Variants in WWOX observed in about 807,000 individuals in gnomAD.
WWOX encodes the protein WW domain containing oxidoreductase.
In WWOX, 69 loss-of-function variants were observed where a neutral mutation model predicts 46.2. The ratio of observed to expected loss-of-function variants is 1.49; its 90% CI spans 1.23 to 1.82. The LOEUF is 1.82. WWOX is among the 40% of genes most tolerant of loss of function. The probability of loss-of-function intolerance (pLI) is 0.00; values close to 1 mark genes in which losing one functional copy is unlikely to be tolerated. For missense variants in WWOX, 919 were observed against 542.6 expected, an observed-to-expected ratio of 1.69 and a Z score of -6.89; for synonymous variants, 359 against 202.6, an observed-to-expected ratio of 1.77 and a Z score of -6.56.
chr16:79,095,772 C>G (rs187164177), intron 8 of WWOX, among the ~76,000 whole-genome samples: 15 of 151,750 alleles, frequency 9.9e-5, no homozygotes, highest in Admixed American at 3.9e-4. Context: ...AATAGGAATA[C>G]AGACCTCAGA....
intron 8 of WWOX, among the ~76,000 whole-genome samples, chr16:78,776,027 C>G (rs1234886896): frequency 6.6e-6 from 1 of 152,124 alleles, no homozygotes; most frequent in Non-Finnish European, 1.5e-5. Context: ...GCTATGTGTT[C>G]CAAAGATGGT....
At chr16:78,405,844 T>C (rs1479948867) in intron 6 of WWOX, among the ~76,000 whole-genome samples, 1 of 152,190 alleles carries the variant, frequency 6.6e-6, no homozygotes, top group Non-Finnish European at 1.5e-5. Context: ...TTCACTTTCC[T>C]GAGGGCCACA....
At chr16:78,968,267 C>G (rs887731219) in intron 8 of WWOX, among the ~76,000 whole-genome samples, 1 of 152,234 alleles carries the variant, frequency 6.6e-6, no homozygotes, top group Non-Finnish European at 1.5e-5. Context: ...TCCAGACTAT[C>G]CAGAAACTGT....
intron 8 of WWOX, among the ~76,000 whole-genome samples, chr16:78,974,999 C>T (rs572236741): frequency 3.9e-5 from 6 of 152,184 alleles, no homozygotes; most frequent in Non-Finnish European, 8.8e-5. Flanking sequence ...ACTCCCCAGC[C>T]CCTCTTCTCT....
intron 8 of WWOX, among the ~76,000 whole-genome samples, chr16:78,847,741 G>C (rs780641057): frequency 2.6e-5 from 4 of 151,664 alleles, no homozygotes; most frequent in Non-Finnish European, 5.9e-5. Flanking sequence ...TTTGGGGAAG[G>C]TATGGTAAAT....
At chr16:78,232,603 A>C (rs925320866) in intron 5 of WWOX, among the ~76,000 whole-genome samples, 2 of 152,192 alleles carry the variant, frequency 1.3e-5, no homozygotes, top group Admixed American at 6.5e-5. Context: ...TAACTTTTAA[A>C]ATCTGAGGAA....
intron 8 of WWOX, among the ~76,000 whole-genome samples, chr16:78,779,662 C>T (rs1164208699): frequency 6.6e-6 from 1 of 152,170 alleles, no homozygotes; most frequent in Non-Finnish European, 1.5e-5. Context: ...CCCCAGTTCA[C>T]ACTGCTGATC....
chr16:78,987,873 C>T (rs572919759), intron 8 of WWOX, among the ~76,000 whole-genome samples: 2 of 152,298 alleles, frequency 1.3e-5, no homozygotes, highest in African/African-American at 2.4e-5. Flanking sequence ...GTGGGCTTTG[C>T]TGCTTACAAC....
intron 5 of WWOX, among the ~76,000 whole-genome samples, chr16:78,185,991 A>G (rs754799905): frequency 1.3e-5 from 2 of 152,186 alleles, no homozygotes; most frequent in Non-Finnish European, 2.9e-5. Flanking sequence ...CAGCAACTTA[A>G]AGGCGGTGGC....
intron 5 of WWOX, among the ~76,000 whole-genome samples, chr16:78,304,217 C>G (rs1274162614): frequency 6.6e-6 from 1 of 152,222 alleles, no homozygotes; most frequent in African/African-American, 2.4e-5. Context: ...TGATTCTCAT[C>G]ATTACTCATC....
intron 8 of WWOX, among the ~76,000 whole-genome samples, chr16:78,833,293 C>T (rs560212965): frequency 6.6e-6 from 1 of 152,068 alleles, no homozygotes; most frequent in African/African-American, 2.4e-5. Context: ...GCAGTCCTCT[C>T]ACCTCATTCT....
chr16:78,686,102 A>T (rs573555774), intron 8 of WWOX, among the ~76,000 whole-genome samples: 41 of 152,326 alleles, frequency 2.7e-4, no homozygotes, highest in Non-Finnish European at 4.7e-4. Context: ...AAAGACATTC[A>T]TACAGTCAGG....
intron 8 of WWOX, among the ~76,000 whole-genome samples, chr16:78,727,731 G>T (rs1287621139): frequency 6.6e-6 from 1 of 152,056 alleles, no homozygotes; most frequent in Non-Finnish European, 1.5e-5. Flanking sequence ...GAGGACTTTG[G>T]ACTTGGGGAT....
chr16:78,492,012 A>T (rs7192666), intron 8 of WWOX, among the ~76,000 whole-genome samples: 3 of 139,322 alleles, frequency 2.2e-5, no homozygotes, highest in Non-Finnish European at 3.1e-5. Flanking sequence ...GACACTTGCC[A>T]TTCTCAATGG....
chr16:78,619,697 C>G (rs34803204), intron 8 of WWOX, among the ~76,000 whole-genome samples: 27,170 of 151,744 alleles, frequency 0.18, 3,172 homozygotes, highest in African/African-American at 0.33. Context: ...TTGAGCCCAG[C>G]AATTGGAGAC....
intron 8 of WWOX, among the ~76,000 whole-genome samples, chr16:78,766,298 T>C (rs543039518): frequency 6.6e-6 from 1 of 152,324 alleles, no homozygotes; most frequent in East Asian, 1.9e-4. Context: ...GCTAGCCTTA[T>C]TAAAATGTGC....
intron 5 of WWOX, among the ~76,000 whole-genome samples, chr16:78,202,784 AT>A (rs528075133): frequency 0.026 from 3,338 of 129,436 alleles, 140 homozygotes; most frequent in African/African-American, 0.095. Flanking sequence ...TATATTTGCA[AT>A]TTTTTGTTTT....
intron 8 of WWOX, among the ~76,000 whole-genome samples, chr16:78,717,498 A>C (rs1239610559): frequency 1.3e-5 from 2 of 152,184 alleles, no homozygotes; most frequent in Non-Finnish European, 2.9e-5. Flanking sequence ...AATGTGTATT[A>C]AGTATATGAA....
chr16:78,742,725 C>CA (rs1207701430), intron 8 of WWOX, among the ~76,000 whole-genome samples: 2 of 152,176 alleles, frequency 1.3e-5, no homozygotes, highest in African/African-American at 4.8e-5. Flanking sequence ...TTGGGCGACA[C>CA]AGTTTTGTTT....
Sources: allele counts gnomAD v4.1 joint callset (sites outside exome capture counted in the v4.1 genomes callset), GRCh38; gene constraint gnomAD v4.1.1; transcripts MANE v1.5; gene names NCBI Gene and HGNC (gene_info 2026-07-23, HGNC 2026-07-21).